EPHA6: variants seen among roughly 807,000 people sequenced by gnomAD.
The protein encoded by EPHA6 is ephrin type-A receptor 6.
A neutral mutation model predicts 112.0 loss-of-function variants in EPHA6; 50 were observed. The ratio of observed to expected loss-of-function variants is 0.45; its 90% CI spans 0.36 to 0.56. The LOEUF (loss-of-function observed/expected upper bound fraction) is 0.56. EPHA6 is among the 20% of genes least tolerant of loss of function. EPHA6 has a pLI of 0.00. For synonymous variants in EPHA6, 529 were observed against 490.7 expected (o/e 1.08, Z -1.03); for missense variants, 1,280 against 1,417.4 (o/e 0.90, Z 1.56).
intron 3 of EPHA6, among the ~76,000 whole-genome samples, chr3:97,001,016 T>TTATATATATATATATATA (rs1334953124): frequency 2.4e-5 from 2 of 83,286 alleles, no homozygotes; most frequent in African/African-American, 1.5e-4. Flanking sequence ...AGTCAGAAAT[T>TTATATATATATATATATA]GATATATATA....
At chr3:97,681,068 A>C (rs2031824311) in intron 14 of EPHA6, among the ~76,000 whole-genome samples, 1 of 152,184 alleles carries the variant, frequency 6.6e-6, no homozygotes, top group Non-Finnish European at 1.5e-5. Flanking sequence ...GTAGTCAAAT[A>C]GTGAAAAATA....
intron 3 of EPHA6, among the ~76,000 whole-genome samples, chr3:97,135,282 A>G (rs1044333559): frequency 1.3e-5 from 2 of 152,128 alleles, no homozygotes; most frequent in African/African-American, 4.8e-5. Context: ...AAAGTCACTT[A>G]ATTTCTGCAA....
In EPHA6 at chr3:96,856,846, G is replaced by A. The variant is rs2035729817; in HGVS notation, c.386-9979G>A. ...CCTGCAGGGAAGGAGGTTCCCTGGGGAGACAAATCATCAGTGAATAAGTCA... is the reference window on the plus strand; with the variant it reads ...CCTGCAGGGAAGGAGGTTCCCTGGGAAGACAAATCATCAGTGAATAAGTCA... On this transcript the variant is annotated intron_variant, in intron 1 of 17. Coordinates refer to ENST00000389672, the MANE Select transcript of EPHA6 (RefSeq NM_001080448.3). 2.0e-5 allele frequency among the ~76,000 whole-genome samples: 3 copies of A among 152,062 alleles called. No homozygotes were observed. In the South Asian group the frequency reaches 6.2e-4, roughly 31 times the overall value.
intron 3 of EPHA6, among the ~76,000 whole-genome samples, chr3:97,210,206 A>G (rs1299880507): frequency 6.6e-6 from 1 of 152,176 alleles, no homozygotes; most frequent in Non-Finnish European, 1.5e-5. Flanking sequence ...TGGGTAATTT[A>G]TAAAGAAAAA....
intron 14 of EPHA6, among the ~76,000 whole-genome samples, chr3:97,696,430 T>C (rs1280613600): frequency 1.3e-5 from 2 of 152,250 alleles, no homozygotes; most frequent in African/African-American, 4.8e-5. Flanking sequence ...CAAGATGTCT[T>C]AACATTCTGT....
At chr3:97,535,311 A>T (rs994445342) in intron 11 of EPHA6, among the ~76,000 whole-genome samples, 2 of 151,882 alleles carry the variant, frequency 1.3e-5, no homozygotes, top group African/African-American at 4.8e-5. Flanking sequence ...TCCACTTCTT[A>T]AAAAAAAGAA....
At chr3:97,598,263 AG>A (rs1280497089) in intron 12 of EPHA6, among the ~76,000 whole-genome samples, 3 of 151,038 alleles carry the variant, frequency 2.0e-5, no homozygotes, top group African/African-American at 4.9e-5. Context: ...CATTTAGTTA[AG>A]TTTTTTTTTT....
chr3:97,293,900 G>T (rs144344608), intron 5 of EPHA6, among the ~76,000 whole-genome samples: 4 of 152,162 alleles, frequency 2.6e-5, no homozygotes, highest in African/African-American at 9.7e-5. Context: ...CCTGCCTCCC[G>T]TGTTCATCAG....
intron 3 of EPHA6, among the ~76,000 whole-genome samples, chr3:97,039,654 A>C (rs2045245520): frequency 6.6e-6 from 1 of 152,058 alleles, no homozygotes; most frequent in South Asian, 2.1e-4. Flanking sequence ...TGTAATTTCA[A>C]ATATTCTGGA....
intron 5 of EPHA6, among the ~76,000 whole-genome samples, chr3:97,287,861 G>A (rs2080528068): frequency 6.6e-6 from 1 of 151,990 alleles, no homozygotes; most frequent in Admixed American, 6.6e-5. Context: ...ATATTGGTCT[G>A]TAGTTTTATT....
At chr3:97,148,877 G>T (rs1279721849) in intron 3 of EPHA6, among the ~76,000 whole-genome samples, 1 of 152,080 alleles carries the variant, frequency 6.6e-6, no homozygotes, top group Non-Finnish European at 1.5e-5. Flanking sequence ...GGGTGGGCAA[G>T]CATACGTTTG....
intron 2 of EPHA6, among the ~76,000 whole-genome samples, chr3:96,878,955 C>A (rs940295291): frequency 7.2e-5 from 11 of 151,944 alleles, no homozygotes; most frequent in Non-Finnish European, 1.3e-4. Flanking sequence ...TAAGTGAAAA[C>A]TGAATAAATT....
chr3:97,267,025 C>G (rs564774210), intron 5 of EPHA6, among the ~76,000 whole-genome samples: 1 of 152,038 alleles, frequency 6.6e-6, no homozygotes, highest in African/African-American at 2.4e-5. Flanking sequence ...TGTTTTATAA[C>G]CATACCAGTT....
intron 3 of EPHA6, among the ~76,000 whole-genome samples, chr3:97,068,831 C>G (rs2046263935): frequency 6.6e-6 from 1 of 152,108 alleles, no homozygotes; most frequent in Non-Finnish European, 1.5e-5. Context: ...AAGGAGAGAT[C>G]TCCAGTCCAC....
intron 3 of EPHA6, among the ~76,000 whole-genome samples, chr3:97,179,761 C>CTCTCTCTCTCTCTCTCTCT (rs1214540454): frequency 3.5e-5 from 5 of 142,646 alleles, no homozygotes; most frequent in African/African-American, 1.3e-4. Context: ...CTCTCTCTCT[C>CTCTCTCTCTCTCTCTCTCT]CTGAACCACT....
At chr3:97,008,974 C>T (rs1377046153) in intron 3 of EPHA6, among the ~76,000 whole-genome samples, 1 of 152,210 alleles carries the variant, frequency 6.6e-6, no homozygotes, top group African/African-American at 2.4e-5. Flanking sequence ...TTCATGGAGG[C>T]TGGAGAGCAG....
At chr3:97,152,657 T>C (rs1322927208) in intron 3 of EPHA6, among the ~76,000 whole-genome samples, 3 of 152,080 alleles carry the variant, frequency 2.0e-5, no homozygotes, top group Non-Finnish European at 4.4e-5. Flanking sequence ...TATTATCCTT[T>C]ACTTCAGTTT....
At chr3:96,824,768 T>C (rs2033532850) in intron 1 of EPHA6, among the ~76,000 whole-genome samples, 1 of 152,010 alleles carries the variant, frequency 6.6e-6, no homozygotes, top group Non-Finnish European at 1.5e-5. Flanking sequence ...CTTAAGGATA[T>C]AGGAATTAAT....
At chr3:97,414,617 G>C (rs1577306093) in intron 6 of EPHA6, among the ~76,000 whole-genome samples, 1 of 152,036 alleles carries the variant, frequency 6.6e-6, no homozygotes, top group Middle Eastern at 3.4e-3. Flanking sequence ...AAGTGTCTTA[G>C]ATTCTCAAAT....
Sources: gnomAD v4.1 joint callset for allele counts (sites outside exome capture counted in the v4.1 genomes callset) on GRCh38, gnomAD v4.1.1 for gene constraint, MANE v1.5 for transcripts, NCBI Gene and HGNC (gene_info 2026-07-23, HGNC 2026-07-21) for gene names.